The following CLNK variants were observed in gnomAD, a reference collection of about 807,000 sequenced individuals.
The protein encoded by CLNK is cytokine-dependent hematopoietic cell linker.
CLNK carries 74 observed loss-of-function variants against 68.6 expected under a neutral mutation model. The observed-to-expected ratio is 1.08, with a 90% CI of 0.89 to 1.31. The LOEUF is 1.31. Ranked by LOEUF, CLNK falls within the 50% of genes most tolerant of loss-of-function variation. The pLI is 0.00. For synonymous variants in CLNK, 198 were observed against 172.2 expected, an observed-to-expected ratio of 1.15 and a Z score of -1.17; for missense variants, 553 against 515.3, an observed-to-expected ratio of 1.07 and a Z score of -0.71.
intron 2 of CLNK, among the ~76,000 whole-genome samples, chr4:10,599,913 G>A (rs1039111160): frequency 3.9e-5 from 6 of 152,104 alleles, no homozygotes; most frequent in Non-Finnish European, 8.8e-5. Context: ...CAATCCATAC[G>A]CCAAACTGGA....
intron 8 of CLNK, 30 bp downstream of exon 8, chr4:10,558,377 C>A (rs750313441): frequency 1.4e-5 from 23 of 1,603,676 alleles, no homozygotes; most frequent in Non-Finnish European, 1.8e-5. Context: ...TTCATACTTA[C>A]ATTTTAAACT....
intron 9 of CLNK, 44 bp from the exon 10 acceptor site, chr4:10,542,085 G>T: frequency 6.6e-7 from 1 of 1,520,824 alleles, no homozygotes; most frequent in Non-Finnish European, 9.0e-7. Flanking sequence ...ATTGTTCTGT[G>T]AGCAGGGCCA....
chr4:10,512,431 A>G lies in CLNK; in HGVS notation c.906+1033T>C, dbSNP rs149602277. 3.8e-3 allele frequency among the ~76,000 whole-genome samples: 575 copies of G among 152,054 alleles called. 22 individuals are homozygous for G. The East Asian group carries it at 0.093, about 24-fold the overall frequency. ...TTTTTGGTAGAGATAGAGTTTCTCC[A>G]TGTTGGTCAAGCTGGTCTCGAACTC... On this transcript the variant is annotated intron_variant, in intron 16 of 18. Transcript: ENST00000226951.
At chr4:10,567,650 A>G (rs55804861) in intron 5 of CLNK, among the ~76,000 whole-genome samples, 22,126 of 152,248 alleles carry the variant, frequency 0.15, 1,669 homozygotes, top group Middle Eastern at 0.18. Flanking sequence ...TGTGGAATGA[A>G]GAAAATATTT....
At chr4:10,663,951 C>T (rs1267910980) in intron 2 of CLNK, among the ~76,000 whole-genome samples, 2 of 152,140 alleles carry the variant, frequency 1.3e-5, no homozygotes, top group Non-Finnish European at 2.9e-5. Context: ...TCAGGAAGCA[C>T]TCTCACCAGA....
chr4:10,638,160 G>T (rs540362296), intron 2 of CLNK, among the ~76,000 whole-genome samples: 1 of 152,176 alleles, frequency 6.6e-6, no homozygotes, highest in Non-Finnish European at 1.5e-5. Context: ...ACCCACAGGG[G>T]TGCCTGTGAG....
chr4:10,733,986 C>G, the CLNK span, among the ~76,000 whole-genome samples: 53 of 152,198 alleles, frequency 3.5e-4, no homozygotes, highest in African/African-American at 1.3e-3. Flanking sequence ...ATTAGAGATA[C>G]ATATCTTTTT....
At chr4:10,571,952 G>A (rs916359699) in intron 4 of CLNK, among the ~76,000 whole-genome samples, 174 bp from the exon 5 acceptor site, 1 of 152,144 alleles carries the variant, frequency 6.6e-6, no homozygotes, top group Admixed American at 6.5e-5. Context: ...TCTACCTGTT[G>A]CTCTTGCAAA....
intron 5 of CLNK, among the ~76,000 whole-genome samples, chr4:10,566,405 G>A (rs754013119): frequency 8.5e-5 from 13 of 152,226 alleles, no homozygotes; most frequent in Non-Finnish European, 1.6e-4. Flanking sequence ...CAGTGCAGAT[G>A]TAATGAAGGT....
chr4:10,684,570 A>T (rs551687713), intron 1 of CLNK, 98 bp downstream of exon 1: 1 of 152,288 alleles, frequency 6.6e-6, no homozygotes, highest in South Asian at 2.1e-4. Flanking sequence ...CTTTAGAAAC[A>T]CATTTTTACT....
intron 16 of CLNK, among the ~76,000 whole-genome samples, chr4:10,509,017 G>T (rs908893218): frequency 8.9e-5 from 13 of 145,466 alleles, no homozygotes; most frequent in African/African-American, 3.3e-4. Flanking sequence ...TGAGGCAGGA[G>T]AATCGCTTGA....
At chr4:10,659,048 CA>C (rs1724091244) in intron 2 of CLNK, among the ~76,000 whole-genome samples, 1 of 152,022 alleles carries the variant, frequency 6.6e-6, no homozygotes, top group Non-Finnish European at 1.5e-5. Context: ...ACAGAAAATA[CA>C]AAAAATGAGC....
At chr4:10,549,589 C>T (rs1372229289) in intron 8 of CLNK, among the ~76,000 whole-genome samples, 1 of 152,148 alleles carries the variant, frequency 6.6e-6, no homozygotes, top group African/African-American at 2.4e-5. Flanking sequence ...CTTATTTATA[C>T]TTCATGGAAA....
the CLNK span, among the ~76,000 whole-genome samples, chr4:10,691,107 A>G: frequency 5.3e-5 from 8 of 152,168 alleles, no homozygotes; most frequent in Non-Finnish European, 7.3e-5. Flanking sequence ...GAGATTTCCA[A>G]GTAGAGGAAA....
At chr4:10,643,657 G>A (rs1202332660) in intron 2 of CLNK, among the ~76,000 whole-genome samples, 1 of 152,208 alleles carries the variant, frequency 6.6e-6, no homozygotes, top group Non-Finnish European at 1.5e-5. Flanking sequence ...TCACACATGA[G>A]ACTGTCACAC....
chr4:10,563,383 G>A (rs2108821619), intron 7 of CLNK, among the ~76,000 whole-genome samples: 1 of 152,210 alleles, frequency 6.6e-6, no homozygotes, highest in African/African-American at 2.4e-5. Context: ...TTTTTAGAAA[G>A]GAAATTTTAC....
At chr4:10,716,200 A>G in the CLNK span, among the ~76,000 whole-genome samples, 1 of 152,176 alleles carries the variant, frequency 6.6e-6, no homozygotes, top group Non-Finnish European at 1.5e-5. Context: ...GAAAATTTGT[A>G]TGACTTTTTT....
At chr4:10,704,043 G>T in the CLNK span, among the ~76,000 whole-genome samples, 1 of 152,072 alleles carries the variant, frequency 6.6e-6, no homozygotes, top group Non-Finnish European at 1.5e-5. Flanking sequence ...TGGTGGTGGA[G>T]GGGATCTTAT....
In CLNK at chr4:10,490,295, G is replaced by A; in HGVS notation, c.*172C>T. 2.0e-6 allele frequency: 1 copy of A among 511,234 alleles called. No homozygotes were observed. The highest frequency in any genetic ancestry group is 2.0e-5 in the African/African-American group (1 of 50,624). 31.7% of individuals were successfully genotyped at this position (511,234 alleles called of 1,614,324 possible). On this transcript the variant is annotated 3_prime_UTR_variant, in exon 19 of 19. Transcript: ENST00000226951. ...TGCATGTTATAAATATTTTCTCTGT[G>A]GTTTGAACTTTCAAAACCGTGAGTG...
Sources: gnomAD v4.1 joint callset for allele counts (sites outside exome capture counted in the v4.1 genomes callset) on GRCh38, gnomAD v4.1.1 for gene constraint, MANE v1.5 for transcripts, NCBI Gene and HGNC (gene_info 2026-07-23, HGNC 2026-07-21) for gene names.